Variants in CRACD observed in about 807,000 individuals in gnomAD.
CRACD encodes the protein capping protein inhibiting regulator of actin dynamics, also known as capping protein-inhibiting regulator of actin dynamics.
CRACD carries 56 observed loss-of-function variants against 106.8 expected under a neutral mutation model. The observed-to-expected ratio is 0.52, with a 90% confidence interval of 0.42 to 0.66. The LOEUF (loss-of-function observed/expected upper bound fraction) is 0.66. CRACD is among the 30% of genes least tolerant of loss of function. CRACD has a pLI of 0.00. For synonymous variants in CRACD, 754 were observed against 670.8 expected, an observed-to-expected ratio of 1.12 and a Z score of -1.92; for missense variants, 1,730 against 1,623.2, an observed-to-expected ratio of 1.07 and a Z score of -1.13.
chr4:56,278,900 C>A (rs1023230496), intron 3 of CRACD, among the ~76,000 whole-genome samples: 4 of 152,130 alleles, frequency 2.6e-5, no homozygotes, highest in African/African-American at 9.7e-5. Context: ...TGCTCAACAT[C>A]ATTAGCCATC....
At chr4:56,238,623 C>T (rs1740144420) in intron 2 of CRACD, among the ~76,000 whole-genome samples, 6 of 152,262 alleles carry the variant, frequency 3.9e-5, no homozygotes, top group South Asian at 2.1e-4. Context: ...CAATCTGCCA[C>T]GTCATTTTAG....
At chr4:56,325,201 G>A (rs61032900) in intron 10 of CRACD, among the ~76,000 whole-genome samples, 24,575 of 152,016 alleles carry the variant, frequency 0.16, 2,271 homozygotes, top group Admixed American at 0.3. Flanking sequence ...CAGGTGTGGT[G>A]GTGCATGCCT....
chr4:56,319,316 T>C (rs983483502), intron 8 of CRACD, among the ~76,000 whole-genome samples: 4 of 152,154 alleles, frequency 2.6e-5, no homozygotes, highest in Admixed American at 6.6e-5. Flanking sequence ...TAGAAAAGCT[T>C]GATTTTGGCC....
chr4:56,216,195 T>C (rs1738665166), intron 2 of CRACD: 1 of 152,214 alleles, frequency 6.6e-6, no homozygotes. Context: ...AACACAGAGC[T>C]GTGTGGTTGC....
intron 1 of CRACD, among the ~76,000 whole-genome samples, chr4:56,172,020 C>CTGTTTTTTTTTTTT (rs1348900332): frequency 9.4e-6 from 1 of 106,372 alleles, no homozygotes; most frequent in Non-Finnish European, 1.9e-5. Flanking sequence ...GAGGGTTTCT[C>CTGTTTTTTTTTTTT]TTTTTTTTTT....
intron 1 of CRACD, among the ~76,000 whole-genome samples, chr4:56,052,174 C>A (rs530283662): frequency 1.3e-5 from 2 of 152,304 alleles, no homozygotes; most frequent in South Asian, 4.1e-4. Context: ...CAGGCATGAA[C>A]CACTGCGCCC....
At chr4:56,125,565 T>A (rs1734630082) in intron 1 of CRACD, among the ~76,000 whole-genome samples, 1 of 151,948 alleles carries the variant, frequency 6.6e-6, no homozygotes, top group Admixed American at 6.6e-5. Context: ...ACTACAGGCA[T>A]GTGCCACTAT....
intron 10 of CRACD, among the ~76,000 whole-genome samples, chr4:56,324,578 T>C (rs892408843): frequency 3.3e-5 from 5 of 152,202 alleles, no homozygotes; most frequent in Non-Finnish European, 7.3e-5. Flanking sequence ...TCAAAGCTAT[T>C]ATACCAATAT....
intron 1 of CRACD, among the ~76,000 whole-genome samples, chr4:56,088,669 C>T (rs1202758601): frequency 6.6e-6 from 1 of 152,072 alleles, no homozygotes; most frequent in African/African-American, 2.4e-5. Flanking sequence ...AGGCTCTCAT[C>T]TTTAAAATGG....
rs530019736 is a variant in CRACD at position 56,144,445 on chromosome 4, C to T, written c.-335-34839C>T. Among the ~76,000 whole-genome samples the T allele has an allele frequency of 1.1e-4, 17 of 152,132 alleles. No individual in the cohort carries two copies. The South Asian group carries it at 2.1e-3, about 19-fold the overall frequency. ...GGAAATCCTTGCAGAAGGATGACAG[C>T]GGTGAGAACGAGGATAACCGGAAGC... On this transcript the variant is annotated intron_variant, in intron 1 of 10. Coordinates refer to ENST00000682029, the MANE Select transcript of CRACD (RefSeq NM_001393381.1).
chr4:56,172,020 CTT>C (rs35574683), intron 1 of CRACD, among the ~76,000 whole-genome samples: 12,891 of 106,428 alleles, frequency 0.12, 1,021 homozygotes, highest in African/African-American at 0.19. Context: ...GAGGGTTTCT[CTT>C]TTTTTTTTTT....
intron 3 of CRACD, among the ~76,000 whole-genome samples, chr4:56,284,524 A>G (rs1417953321): frequency 6.6e-6 from 1 of 152,094 alleles, no homozygotes; most frequent in Non-Finnish European, 1.5e-5. Flanking sequence ...TAGGAGTTCA[A>G]GACTAGCCTG....
At position 56,282,211 on chromosome 4, in the gene CRACD, C is replaced by G. The variant is rs554812706; in HGVS notation, c.-17+9719C>G. On this transcript the variant is annotated intron_variant, in intron 3 of 10. Transcript: ENST00000682029. ...CTGAAATGGGACTATAATTATATTT[C>G]CTTATTCCTGAAGTGAATCCCTAAT... 1.1e-4 allele frequency among the ~76,000 whole-genome samples: 17 copies of G among 152,310 alleles called. 1 individual carries two copies. The highest frequency in any genetic ancestry group is 4.1e-4 in the African/African-American group (17 of 41,576).
chr4:56,243,666 A>G (rs540955038), intron 2 of CRACD, among the ~76,000 whole-genome samples: 11 of 152,098 alleles, frequency 7.2e-5, no homozygotes, highest in Non-Finnish European at 1.5e-4. Flanking sequence ...GTAGGTGTAT[A>G]TATTTTTGGG....
chr4:56,320,280 C>T (rs1206122202), intron 8 of CRACD, among the ~76,000 whole-genome samples: 1 of 152,126 alleles, frequency 6.6e-6, no homozygotes, highest in Non-Finnish European at 1.5e-5. Flanking sequence ...GTGACTAGAA[C>T]CCTGTGATCC....
chr4:56,139,697 A>G (rs1398138359), intron 1 of CRACD, among the ~76,000 whole-genome samples: 2 of 152,214 alleles, frequency 1.3e-5, no homozygotes, highest in Non-Finnish European at 2.9e-5. Flanking sequence ...ATTAACATCT[A>G]CCATGATGGG....
intron 1 of CRACD, among the ~76,000 whole-genome samples, chr4:56,173,950 T>C (rs1057235488): frequency 6.6e-6 from 1 of 152,222 alleles, no homozygotes; most frequent in Non-Finnish European, 1.5e-5. Flanking sequence ...CATCGTACTT[T>C]TGATTTGTAT....
intron 2 of CRACD, among the ~76,000 whole-genome samples, chr4:56,198,971 T>C (rs969462070): frequency 6.6e-6 from 1 of 152,194 alleles, no homozygotes. Flanking sequence ...TGACTTTTTT[T>C]TACCAGCTTC....
intron 1 of CRACD, among the ~76,000 whole-genome samples, chr4:56,146,572 C>T (rs1216696464): frequency 1.4e-5 from 2 of 147,768 alleles, no homozygotes; most frequent in Admixed American, 6.9e-5. Context: ...CTCCCCCCTC[C>T]CCCCACCGCC....
Sources: gnomAD v4.1 joint callset for allele counts (sites outside exome capture counted in the v4.1 genomes callset) on GRCh38, gnomAD v4.1.1 for gene constraint, MANE v1.5 for transcripts, NCBI Gene and HGNC (gene_info 2026-07-23, HGNC 2026-07-21) for gene names.